SGCZ: variants seen among roughly 807,000 people sequenced by gnomAD.
SGCZ encodes sarcoglycan zeta.
In SGCZ, 40 loss-of-function variants were observed where a neutral mutation model predicts 41.3. The observed-to-expected ratio is 0.97, with a 90% CI of 0.75 to 1.26. The LOEUF (loss-of-function observed/expected upper bound fraction) is 1.26. Among genes scored for constraint, SGCZ ranks in the 50% most tolerant of loss-of-function variants. SGCZ has a pLI of 0.00. For synonymous variants in SGCZ, 206 were observed against 137.5 expected (o/e 1.50, Z -3.49); for missense variants, 552 against 369.8 (o/e 1.49, Z -4.04).
chr8:14,403,553 G>C (rs191235552), intron 2 of SGCZ, among the ~76,000 whole-genome samples: 1 of 152,068 alleles, frequency 6.6e-6, no homozygotes. Flanking sequence ...TAACCATGTG[G>C]TTTTTGTCTT....
At chr8:14,543,770 T>A (rs956682930) in intron 2 of SGCZ, among the ~76,000 whole-genome samples, 2 of 152,170 alleles carry the variant, frequency 1.3e-5, no homozygotes, top group Non-Finnish European at 2.9e-5. Context: ...TAAATAATCT[T>A]AGATCTATCC....
At chr8:14,796,292 T>A (rs1464669590) in intron 1 of SGCZ, among the ~76,000 whole-genome samples, 1 of 152,152 alleles carries the variant, frequency 6.6e-6, no homozygotes, top group Non-Finnish European at 1.5e-5. Flanking sequence ...CTGTTTTACT[T>A]TTTATTTTAT....
At chr8:14,547,325 G>T (rs1803661806) in intron 2 of SGCZ, among the ~76,000 whole-genome samples, 1 of 152,146 alleles carries the variant, frequency 6.6e-6, no homozygotes, top group Non-Finnish European at 1.5e-5. Context: ...GCCAGAAAGG[G>T]TGCTGACAGG....
At chr8:15,152,290 A>T (rs1200369124) in intron 1 of SGCZ, among the ~76,000 whole-genome samples, 1 of 152,226 alleles carries the variant, frequency 6.6e-6, no homozygotes, top group Non-Finnish European at 1.5e-5. Context: ...ACTAAGGGTC[A>T]GAAAAAAATA....
chr8:14,649,348 G>C (rs368385607), intron 1 of SGCZ, among the ~76,000 whole-genome samples: 124 of 152,150 alleles, frequency 8.1e-4, no homozygotes, highest in African/African-American at 2.8e-3. Flanking sequence ...AAATAAGCTG[G>C]GTGTTTTCCA....
chr8:14,501,571 A>T (rs573127892), intron 2 of SGCZ, among the ~76,000 whole-genome samples: 5 of 151,730 alleles, frequency 3.3e-5, no homozygotes, highest in African/African-American at 1.2e-4. Flanking sequence ...TGCTTTTCAT[A>T]ATCTATATTA....
At chr8:14,497,874 T>G (rs1242349412) in intron 2 of SGCZ, among the ~76,000 whole-genome samples, 1 of 152,166 alleles carries the variant, frequency 6.6e-6, no homozygotes, top group African/African-American at 2.4e-5. Flanking sequence ...AGGGCATGCA[T>G]AATTTTAAAT....
chr8:14,694,623 T>G (rs2117580006), intron 1 of SGCZ, among the ~76,000 whole-genome samples: 1 of 152,256 alleles, frequency 6.6e-6, no homozygotes, highest in South Asian at 2.1e-4. Context: ...GGACTGTGCC[T>G]TTCTCATTTA....
At chr8:14,787,566 G>A (rs943736497) in intron 1 of SGCZ, among the ~76,000 whole-genome samples, 1 of 151,960 alleles carries the variant, frequency 6.6e-6, no homozygotes, top group Admixed American at 6.6e-5. Flanking sequence ...TATTCCAGCC[G>A]GGCGGGATAC....
intron 2 of SGCZ, among the ~76,000 whole-genome samples, chr8:14,354,303 A>G (rs1210925165): frequency 6.6e-6 from 1 of 151,958 alleles, no homozygotes; most frequent in Non-Finnish European, 1.5e-5. Flanking sequence ...TCTGAAATTA[A>G]TGTTATTAGA....
At chr8:15,006,862 C>G (rs1195613116) in intron 1 of SGCZ, among the ~76,000 whole-genome samples, 2 of 152,148 alleles carry the variant, frequency 1.3e-5, no homozygotes, top group Non-Finnish European at 2.9e-5. Flanking sequence ...AAATGTGCCT[C>G]TTTATACATT....
intron 1 of SGCZ, among the ~76,000 whole-genome samples, chr8:15,088,487 G>C (rs537127147): frequency 6.6e-6 from 1 of 152,002 alleles, no homozygotes; most frequent in South Asian, 2.1e-4. Context: ...GTTCAAAAAA[G>C]CACAACTGCA....
chr8:14,928,860 G>A lies in SGCZ; in HGVS notation c.39+308725C>T, dbSNP rs1425629560. Reference sequence around the variant, plus strand: ...TGTGTTTATTTTAATATACAGAAATGAATGGATAATGTGCCTATTATACCA... The same window carrying A: ...TGTGTTTATTTTAATATACAGAAATAAATGGATAATGTGCCTATTATACCA... On this transcript the variant is annotated intron_variant, in intron 1 of 7. Coordinates refer to ENST00000382080, the MANE Select transcript of SGCZ (RefSeq NM_139167.4). Among the ~76,000 whole-genome samples the A allele has an allele frequency of 2.6e-5, 4 of 152,064 alleles. No homozygotes were observed. In the East Asian group the frequency reaches 5.8e-4, roughly 22 times the overall value.
At chr8:15,138,757 C>G (rs953688254) in intron 1 of SGCZ, among the ~76,000 whole-genome samples, 1 of 152,128 alleles carries the variant, frequency 6.6e-6, no homozygotes, top group African/African-American at 2.4e-5. Context: ...ATTACCCAGT[C>G]TCAGGTATTT....
chr8:15,088,778 T>C (rs1360740914), intron 1 of SGCZ, among the ~76,000 whole-genome samples: 1 of 152,154 alleles, frequency 6.6e-6, no homozygotes, highest in South Asian at 2.1e-4. Context: ...ACCATCAGTG[T>C]ATCATAAAAC....
intron 1 of SGCZ, among the ~76,000 whole-genome samples, chr8:15,022,184 G>T (rs967258700): frequency 6.6e-6 from 1 of 152,000 alleles, no homozygotes; most frequent in African/African-American, 2.4e-5. Flanking sequence ...ACTGGAATTT[G>T]TTTATTTATA....
At chr8:14,631,045 T>G (rs531579215) in intron 1 of SGCZ, among the ~76,000 whole-genome samples, 1 of 152,022 alleles carries the variant, frequency 6.6e-6, no homozygotes, top group Non-Finnish European at 1.5e-5. Flanking sequence ...AAAAATAAAT[T>G]TATATGTAAT....
chr8:14,245,302 C>T (rs1799045890), intron 3 of SGCZ, among the ~76,000 whole-genome samples: 1 of 152,136 alleles, frequency 6.6e-6, no homozygotes, highest in African/African-American at 2.4e-5. Flanking sequence ...ATATCTACAA[C>T]TATCTGATCT....
intron 5 of SGCZ, among the ~76,000 whole-genome samples, chr8:14,115,546 G>A (rs551817682): frequency 2.0e-5 from 3 of 151,846 alleles, no homozygotes; most frequent in African/African-American, 4.8e-5. Flanking sequence ...AGCTTTCAAC[G>A]TACTTAATCC....
Sources: allele counts gnomAD v4.1 joint callset (sites outside exome capture counted in the v4.1 genomes callset), GRCh38; gene constraint gnomAD v4.1.1; transcripts MANE v1.5; gene names NCBI Gene and HGNC (gene_info 2026-07-23, HGNC 2026-07-21).